Variants in PTPRM observed in about 807,000 individuals in gnomAD.
PTPRM encodes receptor-type tyrosine-protein phosphatase mu.
PTPRM carries 47 observed loss-of-function variants against 186.7 expected under a neutral mutation model. The ratio of observed to expected loss-of-function variants is 0.25; its 90% confidence interval spans 0.20 to 0.32. The LOEUF (loss-of-function observed/expected upper bound fraction) is 0.32. Among genes scored for constraint, PTPRM ranks in the 10% least tolerant of loss-of-function variants. The probability of loss-of-function intolerance (pLI) is 1.00; values close to 1 mark genes in which losing one functional copy is unlikely to be tolerated. For synonymous variants in PTPRM, 668 were observed against 674.9 expected, an observed-to-expected ratio of 0.99 and a Z score of 0.16; for missense variants, 1,494 against 1,865.0, an observed-to-expected ratio of 0.80 and a Z score of 3.66.
chr18:8,352,407 C>G (rs2095539023), intron 23 of PTPRM, among the ~76,000 whole-genome samples: 1 of 152,082 alleles, frequency 6.6e-6, no homozygotes, highest in Non-Finnish European at 1.5e-5. Flanking sequence ...GAACATAGTC[C>G]CCAGTAGGTA....
intron 19 of PTPRM, among the ~76,000 whole-genome samples, chr18:8,278,522 C>T (rs907369209): frequency 1.4e-4 from 22 of 152,238 alleles, no homozygotes; most frequent in African/African-American, 4.6e-4. Context: ...GGGATTGCTG[C>T]AGTCGTCAGT....
At chr18:8,370,378 T>C (rs1160251824) in intron 23 of PTPRM, among the ~76,000 whole-genome samples, 1 of 152,198 alleles carries the variant, frequency 6.6e-6, no homozygotes. Flanking sequence ...TTTATTGAAT[T>C]TATTTATACT....
chr18:7,908,975 CT>C (rs530024440), intron 4 of PTPRM, among the ~76,000 whole-genome samples: 495 of 152,348 alleles, frequency 3.2e-3, no homozygotes, highest in African/African-American at 0.011. Context: ...GTGCTGAGCA[CT>C]CTAATGACAT....
At chr18:7,593,774 T>C (rs182901231) in intron 1 of PTPRM, among the ~76,000 whole-genome samples, 2 of 152,312 alleles carry the variant, frequency 1.3e-5, no homozygotes. Context: ...CATAAAGAGC[T>C]TACTCAGATA....
chr18:7,851,846 CACAT>C (rs1332037245), intron 2 of PTPRM, among the ~76,000 whole-genome samples: 1 of 152,006 alleles, frequency 6.6e-6, no homozygotes, highest in Non-Finnish European at 1.5e-5. Context: ...TTTTGGGTCT[CACAT>C]AGAGATTTAA....
chr18:7,961,003 T>C (rs980070185), intron 7 of PTPRM, among the ~76,000 whole-genome samples: 2 of 152,208 alleles, frequency 1.3e-5, no homozygotes, highest in African/African-American at 4.8e-5. Context: ...GTTTCTCGTG[T>C]GTGGGTACAT....
intron 1 of PTPRM, among the ~76,000 whole-genome samples, chr18:7,697,193 C>T (rs1298614123): frequency 6.6e-6 from 1 of 152,166 alleles, no homozygotes; most frequent in Non-Finnish European, 1.5e-5. Flanking sequence ...ACTACTAACA[C>T]ATTATCTTCC....
At chr18:8,135,873 A>G (rs183122799) in intron 13 of PTPRM, among the ~76,000 whole-genome samples, 25 of 152,344 alleles carry the variant, frequency 1.6e-4, no homozygotes, top group Admixed American at 1.5e-3. Flanking sequence ...GCAAGCATAC[A>G]GAATAGACTA....
At chr18:8,341,232 G>A (rs1004766668) in intron 22 of PTPRM, among the ~76,000 whole-genome samples, 4 of 152,198 alleles carry the variant, frequency 2.6e-5, no homozygotes, top group Non-Finnish European at 4.4e-5. Flanking sequence ...CAAACATCAT[G>A]TCTTAATTTG....
chr18:7,714,043 G>T (rs891113784), intron 1 of PTPRM, among the ~76,000 whole-genome samples: 13 of 152,050 alleles, frequency 8.5e-5, no homozygotes, highest in Non-Finnish European at 1.6e-4. Context: ...CTACAGAACT[G>T]TCCCCCCAAA....
intron 1 of PTPRM, among the ~76,000 whole-genome samples, chr18:7,632,903 G>T (rs1393133874): frequency 1.3e-5 from 2 of 152,210 alleles, no homozygotes; most frequent in Admixed American, 1.3e-4. Flanking sequence ...GCAATTAGCA[G>T]TAACAGTCTT....
chr18:7,678,201 G>C (rs767118779), intron 1 of PTPRM, among the ~76,000 whole-genome samples: 5 of 152,154 alleles, frequency 3.3e-5, no homozygotes, highest in Non-Finnish European at 5.9e-5. Context: ...CCACAAAGGG[G>C]TTGCCTTGAG....
intron 11 of PTPRM, among the ~76,000 whole-genome samples, chr18:8,095,648 G>C (rs965097096): frequency 2.0e-5 from 3 of 152,078 alleles, no homozygotes; most frequent in African/African-American, 7.2e-5. Flanking sequence ...CGGCATAAAG[G>C]CTGGAGGATG....
intron 22 of PTPRM, among the ~76,000 whole-genome samples, chr18:8,329,404 G>A (rs1211919202): frequency 1.3e-5 from 2 of 152,178 alleles, no homozygotes; most frequent in Non-Finnish European, 2.9e-5. Flanking sequence ...TTCAACCTAG[G>A]AGAAACGTCA....
intron 2 of PTPRM, among the ~76,000 whole-genome samples, chr18:7,849,817 A>G (rs985809984): frequency 1.3e-5 from 2 of 152,144 alleles, no homozygotes; most frequent in African/African-American, 2.4e-5. Flanking sequence ...GAAGTGAGCA[A>G]CTCCAGAAAA....
rs183810833 is a variant in PTPRM at position 7,999,330 on chromosome 18, G to A, written c.1132+43916G>A. The stretch of plus-strand genomic sequence containing the variant: ...AAATTGACATATTTTTCTCATCGGT[G>A]TTATAACCAGATGACATGGAGTGAG... On this transcript the variant is annotated intron_variant, in intron 7 of 32. Coordinates refer to ENST00000580170, the MANE Select transcript of PTPRM (RefSeq NM_001105244.2). Among the ~76,000 whole-genome samples, 10 of 152,258 alleles carry A rather than the reference G, an allele frequency of 6.6e-5. No homozygotes were observed. The East Asian group carries it at 1.9e-3, about 30-fold the overall frequency.
intron 2 of PTPRM, among the ~76,000 whole-genome samples, chr18:7,843,595 A>T (rs990934767): frequency 2.0e-5 from 3 of 152,198 alleles, no homozygotes; most frequent in Non-Finnish European, 4.4e-5. Flanking sequence ...GCATTTCCCA[A>T]ACCTGCTTGA....
At chr18:8,290,971 G>T in intron 19 of PTPRM, among the ~76,000 whole-genome samples, 1 of 152,024 alleles carries the variant, frequency 6.6e-6, no homozygotes, top group East Asian at 1.9e-4. Flanking sequence ...ACTAAATATT[G>T]CCTAAATGTG....
chr18:7,626,152 C>T (rs2038056877), intron 1 of PTPRM, among the ~76,000 whole-genome samples: 4 of 152,340 alleles, frequency 2.6e-5, no homozygotes, highest in South Asian at 2.1e-4. Flanking sequence ...TCTGTAGCCC[C>T]GTCTTCAGAA....
Sources: allele counts gnomAD v4.1 joint callset (sites outside exome capture counted in the v4.1 genomes callset), GRCh38; gene constraint gnomAD v4.1.1; transcripts MANE v1.5; gene names NCBI Gene and HGNC (gene_info 2026-07-23, HGNC 2026-07-21).